The following NALCN variants were observed in gnomAD, a reference collection of about 807,000 sequenced individuals.
NALCN encodes sodium leak channel NALCN.
Under a neutral mutation model 225.3 loss-of-function variants are expected in NALCN, and 111 were observed. That is an observed-to-expected ratio of 0.49 (90% CI 0.42 to 0.58). The LOEUF (loss-of-function observed/expected upper bound fraction) is 0.58, where lower values mean the gene tolerates loss of function less well. Among genes scored for constraint, NALCN ranks in the 20% least tolerant of loss-of-function variants. The pLI is 0.00. For synonymous variants in NALCN, 764 were observed against 769.0 expected (o/e 0.99, Z 0.11); for missense variants, 1,378 against 2,202.4 (o/e 0.63, Z 7.49).
intron 7 of NALCN, among the ~76,000 whole-genome samples, chr13:101,309,094 G>A (rs1291449702): frequency 6.6e-6 from 1 of 152,078 alleles, no homozygotes; most frequent in Non-Finnish European, 1.5e-5. Flanking sequence ...CAACAACATG[G>A]AGCAATAAAT....
chr13:101,212,328 C>T (rs1310179514), intron 13 of NALCN, among the ~76,000 whole-genome samples: 1 of 152,132 alleles, frequency 6.6e-6, no homozygotes, highest in Non-Finnish European at 1.5e-5. Flanking sequence ...ACAGTAAATT[C>T]CCAGAATTTT....
intron 11 of NALCN, among the ~76,000 whole-genome samples, chr13:101,239,724 T>C (rs1281430759): frequency 6.6e-6 from 1 of 152,084 alleles, no homozygotes; most frequent in Non-Finnish European, 1.5e-5. Context: ...CAGTATTTAT[T>C]GAGGCTTTCA....
chr13:101,056,170 C>A (rs138676685), intron 43 of NALCN, among the ~76,000 whole-genome samples: 1,700 of 151,976 alleles, frequency 0.011, 19 homozygotes, highest in South Asian at 0.04. Context: ...TCAAACTCAG[C>A]CTGACCCCAA....
chr13:101,270,658 C>T (rs747140872), intron 10 of NALCN, among the ~76,000 whole-genome samples: 1 of 152,126 alleles, frequency 6.6e-6, no homozygotes, highest in Non-Finnish European at 1.5e-5. Flanking sequence ...GACTGAACTG[C>T]CTGATACACA....
In NALCN at chr13:101,305,962, G is replaced by A. The variant is rs1182133360; in HGVS notation, c.800-13596C>T. On this transcript the variant is annotated intron_variant, in intron 7 of 43. Coordinates refer to ENST00000251127, the MANE Select transcript of NALCN (RefSeq NM_052867.4). ...AAAGCAGAGAGAGGTCAGGGAGAGG[G>A]GCTGGTGGAAATATTCAAAGAGGAA... is the stretch of plus-strand genomic sequence containing the variant. Among the ~76,000 whole-genome samples, 4 of 152,184 alleles carry A rather than the reference G, an allele frequency of 2.6e-5. No homozygotes were observed. In the East Asian group the frequency reaches 5.8e-4, roughly 22 times the overall value.
intron 15 of NALCN, 112 bp from the exon 16 acceptor site, chr13:101,145,008 T>C (rs914141438): frequency 9.8e-6 from 12 of 1,222,470 alleles, no homozygotes; most frequent in Middle Eastern, 3.0e-4. Flanking sequence ...GAAATGCCAG[T>C]AGATGGCAGC....
At chr13:101,383,625 T>C (rs1461421727) in intron 3 of NALCN, among the ~76,000 whole-genome samples, 2 of 152,218 alleles carry the variant, frequency 1.3e-5, no homozygotes, top group East Asian at 1.9e-4. Context: ...ATACAATGTA[T>C]ACAGCAAGAT....
chr13:101,140,528 T>G (rs2037023292), intron 17 of NALCN, among the ~76,000 whole-genome samples: 1 of 152,218 alleles, frequency 6.6e-6, no homozygotes, highest in Non-Finnish European at 1.5e-5. Context: ...TTCCTGGAGA[T>G]AAGTGGTCAC....
At chr13:101,235,270 A>G (rs1393190022) in intron 12 of NALCN, among the ~76,000 whole-genome samples, 1 of 152,128 alleles carries the variant, frequency 6.6e-6, no homozygotes, top group African/African-American at 2.4e-5. Flanking sequence ...ATTCTATAAT[A>G]AATATTTTGC....
At position 101,206,406 on chromosome 13, in the gene NALCN, TG is replaced by T. The variant is rs1343886461; in HGVS notation, c.1627-14353del. Among the ~76,000 whole-genome samples the T allele has an allele frequency of 5.3e-5, 8 of 152,182 alleles. No individual in the cohort carries two copies. The East Asian group carries it at 1.5e-3, about 29-fold the overall frequency. On this transcript the variant is annotated intron_variant, in intron 13 of 43. Coordinates refer to ENST00000251127, the MANE Select transcript of NALCN (RefSeq NM_052867.4). ...ATACCTTAAAAATAAACTTGATAGC[TG>T]TTTATGAATAAACACTTAATTGAAA...
At chr13:101,201,357 A>G (rs1566423747) in intron 13 of NALCN, among the ~76,000 whole-genome samples, 1 of 152,112 alleles carries the variant, frequency 6.6e-6, no homozygotes, top group Non-Finnish European at 1.5e-5. Context: ...TCCCTCCCTC[A>G]GCCTTTGGAA....
chr13:101,411,274 A>G (rs1394445061), intron 1 of NALCN, among the ~76,000 whole-genome samples: 2 of 151,872 alleles, frequency 1.3e-5, no homozygotes, highest in African/African-American at 2.4e-5. Context: ...TTTAGGTCAC[A>G]AAACTCTTTA....
chr13:101,267,655 A>G lies in NALCN; in HGVS notation c.1135-9081T>C, dbSNP rs558959888. ...CCTGTTGCATGGTGGCCAGGTGGCC[A>G]TGGGCCCTGCCATTCTCTTCATTCC... On this transcript the variant is annotated intron_variant, in intron 10 of 43. Coordinates refer to ENST00000251127, the MANE Select transcript of NALCN (RefSeq NM_052867.4). Among the ~76,000 whole-genome samples, 8 of 152,316 alleles carry G rather than the reference A, an allele frequency of 5.3e-5. No individual in the cohort carries two copies. In the South Asian group the frequency reaches 1.7e-3, roughly 32 times the overall value.
At chr13:101,062,545 C>T (rs1373370070) in intron 40 of NALCN, among the ~76,000 whole-genome samples, 1 of 152,178 alleles carries the variant, frequency 6.6e-6, no homozygotes, top group Non-Finnish European at 1.5e-5. Flanking sequence ...TCCCTACTCC[C>T]TGCATCCCAC....
intron 35 of NALCN, among the ~76,000 whole-genome samples, chr13:101,075,661 T>C (rs1464011220): frequency 6.6e-6 from 1 of 152,070 alleles, no homozygotes; most frequent in Non-Finnish European, 1.5e-5. Context: ...ATATAAAGAA[T>C]AAGCAACATA....
chr13:101,286,313 T>A (rs1160069251), intron 9 of NALCN, among the ~76,000 whole-genome samples: 2 of 152,174 alleles, frequency 1.3e-5, no homozygotes, highest in African/African-American at 4.8e-5. Context: ...AAAGGCCAGT[T>A]CTTGCCCTTT....
chr13:101,195,940 T>C (rs1175157923), intron 13 of NALCN, among the ~76,000 whole-genome samples: 1 of 152,198 alleles, frequency 6.6e-6, no homozygotes, highest in Non-Finnish European at 1.5e-5. Flanking sequence ...TCTATCATAA[T>C]TGGGTCATCC....
intron 9 of NALCN, among the ~76,000 whole-genome samples, chr13:101,289,031 C>T (rs1191595835): frequency 1.3e-5 from 2 of 152,196 alleles, no homozygotes; most frequent in African/African-American, 4.8e-5. Context: ...ACCTGCACAT[C>T]CCAACATCCA....
intron 6 of NALCN, among the ~76,000 whole-genome samples, chr13:101,346,087 C>CTCTCTCTCTCTCTCTCTCTATA: frequency 2.0e-3 from 144 of 70,930 alleles, no homozygotes; most frequent in Non-Finnish European, 3.1e-3. Flanking sequence ...CTCTCTCTCT[C>CTCTCTCTCTCTCTCTCTCTATA]TATATATATA....
Sources: allele counts gnomAD v4.1 joint callset (sites outside exome capture counted in the v4.1 genomes callset), GRCh38; gene constraint gnomAD v4.1.1; transcripts MANE v1.5; gene names NCBI Gene and HGNC (gene_info 2026-07-23, HGNC 2026-07-21).